The following PBX3 variants were observed in gnomAD, a reference collection of about 807,000 sequenced individuals.
The protein encoded by PBX3 is pre-B-cell leukemia transcription factor 3.
In PBX3, 14 loss-of-function variants were observed where a neutral mutation model predicts 48.5. That is an observed-to-expected ratio of 0.29 (90% CI 0.19 to 0.45). The LOEUF is 0.45. Ranked by LOEUF, PBX3 falls within the 20% of genes least tolerant of loss-of-function variation. PBX3 has a pLI of 1.00. For missense variants in PBX3, 386 were observed against 546.7 expected (o/e 0.71, Z 2.93); for synonymous variants, 210 against 200.3 (o/e 1.05, Z -0.41).
chr9:125,923,688 C>T (rs1350886081), intron 3 of PBX3, among the ~76,000 whole-genome samples: 2 of 152,128 alleles, frequency 1.3e-5, no homozygotes, highest in South Asian at 2.1e-4. Context: ...ACCTCAGCCT[C>T]CTGAGTAGCT....
chr9:125,873,786 C>G (rs1425035948), intron 2 of PBX3, among the ~76,000 whole-genome samples: 1 of 151,800 alleles, frequency 6.6e-6, no homozygotes, highest in Non-Finnish European at 1.5e-5. Context: ...CCTAAAAGAA[C>G]AGCTAGATAA....
chr9:125,803,076 T>C (rs1015122313), intron 2 of PBX3, among the ~76,000 whole-genome samples: 5 of 151,590 alleles, frequency 3.3e-5, no homozygotes. Context: ...TTTCAGTGAT[T>C]TTTCCCACTA....
intron 2 of PBX3, among the ~76,000 whole-genome samples, chr9:125,848,217 A>C (rs1355057135): frequency 6.6e-6 from 1 of 152,078 alleles, no homozygotes; most frequent in Non-Finnish European, 1.5e-5. Flanking sequence ...CTATCTCATG[A>C]ACAATGATCA....
At chr9:125,748,306 G>C (rs1836263119) in intron 1 of PBX3, 1 of 1,159,040 alleles carries the variant, frequency 8.6e-7, no homozygotes, top group Non-Finnish European at 1.1e-6. Flanking sequence ...CGTCGCGTCT[G>C]CAGTGGCCGA....
At chr9:125,817,193 A>G (rs868533934) in intron 2 of PBX3, among the ~76,000 whole-genome samples, 4 of 152,234 alleles carry the variant, frequency 2.6e-5, no homozygotes, top group Admixed American at 6.5e-5. Context: ...TGGTTTTATC[A>G]GTGTGACTAG....
chr9:125,801,790 TACACACACACAC>T (rs367989628), intron 2 of PBX3, among the ~76,000 whole-genome samples: 2 of 146,214 alleles, frequency 1.4e-5, no homozygotes, highest in Non-Finnish European at 3.0e-5. Context: ...TGTATACACA[TACACACACACAC>T]ACACACACAC....
At chr9:125,832,816 A>AGCT (rs1472296548) in intron 2 of PBX3, among the ~76,000 whole-genome samples, 1 of 152,092 alleles carries the variant, frequency 6.6e-6, no homozygotes, top group Non-Finnish European at 1.5e-5. Flanking sequence ...TGCTTCATAT[A>AGCT]GCTGCTGATC....
At chr9:125,944,388 C>T (rs1395500666) in intron 5 of PBX3, among the ~76,000 whole-genome samples, 1 of 152,186 alleles carries the variant, frequency 6.6e-6, no homozygotes. Context: ...TCAATAGGTA[C>T]TTAGTGCCTA....
chr9:125,820,430 C>T (rs577277014), intron 2 of PBX3, among the ~76,000 whole-genome samples: 34 of 152,288 alleles, frequency 2.2e-4, no homozygotes, highest in African/African-American at 7.7e-4. Flanking sequence ...ACTTTGTTCT[C>T]GCTCCCTCAC....
At chr9:125,787,381 T>C (rs530068225) in intron 2 of PBX3, among the ~76,000 whole-genome samples, 1 of 151,238 alleles carries the variant, frequency 6.6e-6, no homozygotes, top group South Asian at 2.1e-4. Flanking sequence ...TGAAGTAGAG[T>C]TTGAAGGGAG....
chr9:125,841,915 T>C (rs1482092989), intron 2 of PBX3, among the ~76,000 whole-genome samples: 1 of 152,210 alleles, frequency 6.6e-6, no homozygotes, highest in African/African-American at 2.4e-5. Context: ...TGCTTTTCAG[T>C]GAAGCTTTTA....
intron 2 of PBX3, among the ~76,000 whole-genome samples, chr9:125,753,280 T>G (rs1031902553): frequency 9.6e-6 from 1 of 104,528 alleles, no homozygotes; most frequent in Admixed American, 1.1e-4. Context: ...AACTTAATAT[T>G]TTACCTTTTT....
At chr9:125,819,602 C>G (rs1838587632) in intron 2 of PBX3, among the ~76,000 whole-genome samples, 1 of 152,112 alleles carries the variant, frequency 6.6e-6, no homozygotes, top group Non-Finnish European at 1.5e-5. Context: ...CGTGCAAATA[C>G]TACTGATATC....
At chr9:125,754,770 A>G (rs1441512934) in intron 2 of PBX3, among the ~76,000 whole-genome samples, 16 of 152,066 alleles carry the variant, frequency 1.1e-4, no homozygotes, top group Admixed American at 1.0e-3. Flanking sequence ...ATTTGAGTGT[A>G]TATCTAGCAA....
chr9:125,794,420 A>G (rs1837717173), intron 2 of PBX3, among the ~76,000 whole-genome samples: 1 of 152,220 alleles, frequency 6.6e-6, no homozygotes, highest in African/African-American at 2.4e-5. Flanking sequence ...ATGAAATTTT[A>G]TAATTAAAAA....
At chr9:125,919,476 C>T (rs1305449822) in intron 3 of PBX3, among the ~76,000 whole-genome samples, 4 of 150,900 alleles carry the variant, frequency 2.7e-5, no homozygotes, top group South Asian at 2.1e-4. Context: ...CCCAAAGGGC[C>T]GGGATTACAG....
intron 3 of PBX3, among the ~76,000 whole-genome samples, chr9:125,925,758 G>T (rs1252231808): frequency 6.6e-6 from 1 of 152,148 alleles, no homozygotes; most frequent in Non-Finnish European, 1.5e-5. Flanking sequence ...TGGCTACTGA[G>T]AATTTAAAAA....
intron 7 of PBX3, 102 bp downstream of exon 7, chr9:125,962,316 C>T (rs1842447996): frequency 3.2e-6 from 2 of 633,970 alleles, no homozygotes; most frequent in Non-Finnish European, 2.8e-6. Context: ...CCATGCAGAA[C>T]CTGTGCTGGG....
chr9:125,748,213 G>T (rs1836257910), intron 1 of PBX3: 2 of 1,009,572 alleles, frequency 2.0e-6, no homozygotes, highest in African/African-American at 1.7e-5. Flanking sequence ...GCACAGGAGC[G>T]GACGCGGGAG....
Sources: gnomAD v4.1 joint callset for allele counts (sites outside exome capture counted in the v4.1 genomes callset) on GRCh38, gnomAD v4.1.1 for gene constraint, MANE v1.5 for transcripts, NCBI Gene and HGNC (gene_info 2026-07-23, HGNC 2026-07-21) for gene names.